WDFY4: variants seen among roughly 807,000 people sequenced by gnomAD.
The protein encoded by WDFY4 is WD repeat- and FYVE domain-containing protein 4.
WDFY4 carries 169 observed loss-of-function variants against 351.9 expected under a neutral mutation model. The ratio of observed to expected loss-of-function variants is 0.48; its 90% CI spans 0.42 to 0.55. WDFY4 has a LOEUF of 0.55. Among genes scored for constraint, WDFY4 ranks in the 20% least tolerant of loss-of-function variants. WDFY4 has a pLI of 0.00. For synonymous variants in WDFY4, 1,622 were observed against 1,574.6 expected, an observed-to-expected ratio of 1.03 and a Z score of -0.71; for missense variants, 3,803 against 3,935.6, an observed-to-expected ratio of 0.97 and a Z score of 0.90.
intron 47 of WDFY4, among the ~76,000 whole-genome samples, chr10:48,939,316 G>A (rs1427339640): frequency 6.6e-6 from 1 of 152,246 alleles, no homozygotes; most frequent in Non-Finnish European, 1.5e-5. Flanking sequence ...ACCAATGCTA[G>A]CCTTTTCCAG....
chr10:48,810,204 T>A (rs957049457), intron 28 of WDFY4, among the ~76,000 whole-genome samples: 1 of 152,226 alleles, frequency 6.6e-6, no homozygotes, highest in Non-Finnish European at 1.5e-5. Flanking sequence ...GGGTGGCTAG[T>A]CATCCACTGT....
intron 48 of WDFY4, among the ~76,000 whole-genome samples, chr10:48,942,078 C>T (rs1840798169): frequency 6.6e-6 from 1 of 152,190 alleles, no homozygotes. Flanking sequence ...GATTCTCCTG[C>T]CTCAGCCTCC....
intron 47 of WDFY4, among the ~76,000 whole-genome samples, chr10:48,903,323 G>C (rs763441979): frequency 2.6e-5 from 4 of 152,152 alleles, no homozygotes; most frequent in Non-Finnish European, 5.9e-5. Flanking sequence ...TTTAAGCAGA[G>C]GGTTGATGTG....
chr10:48,814,122 G>T, intron 31 of WDFY4, 40 bp downstream of exon 31: 1 of 1,486,990 alleles, frequency 6.7e-7, no homozygotes, highest in Non-Finnish European at 9.0e-7. Context: ...AGGAGGTTCT[G>T]ATGGGAAGGC....
chr10:48,727,303 C>T (rs1238135371), intron 6 of WDFY4, among the ~76,000 whole-genome samples, 167 bp from the exon 7 acceptor site: 2 of 152,222 alleles, frequency 1.3e-5, no homozygotes, highest in East Asian at 3.8e-4. Context: ...CAGGATGGCA[C>T]TTTCTCTGGG....
chr10:48,732,082 T>G, intron 9 of WDFY4, among the ~76,000 whole-genome samples: 1 of 152,158 alleles, frequency 6.6e-6, no homozygotes, highest in Non-Finnish European at 1.5e-5. Flanking sequence ...CAACATTCCC[T>G]TGCCCCTACT....
At chr10:48,686,637 G>A (rs1326702464) in intron 1 of WDFY4, among the ~76,000 whole-genome samples, 5 of 152,084 alleles carry the variant, frequency 3.3e-5, no homozygotes, top group Non-Finnish European at 7.3e-5. Context: ...TGCCTAATTG[G>A]TTCAAAAGTT....
rs74780643 is a variant in WDFY4, at chr10:48,855,941, G to T, written c.6664-11324G>T. On this transcript the variant is annotated intron_variant, in intron 39 of 61. Coordinates refer to ENST00000325239, the MANE Select transcript of WDFY4 (RefSeq NM_001394531.1). ...ATTAAACTTTATCATAGGTATGTAT[G>T]TATAGAAAAACAGTATATATAGGGT... Among the ~76,000 whole-genome samples, 1,270 of 152,190 alleles carry T rather than the reference G, an allele frequency of 8.3e-3. 19 individuals are homozygous for T. Among genetic ancestry groups the T allele is most frequent in the African/African-American group, 0.029 (1,212 of 41,546 alleles).
chr10:48,929,018 G>A (rs1839819121), intron 47 of WDFY4, among the ~76,000 whole-genome samples: 1 of 152,184 alleles, frequency 6.6e-6, no homozygotes, highest in Non-Finnish European at 1.5e-5. Context: ...AAGAGAAAGA[G>A]TCAGGATAGA....
intron 52 of WDFY4, among the ~76,000 whole-genome samples, chr10:48,958,239 C>T (rs2137913): frequency 0.44 from 66,961 of 152,038 alleles, 15,264 homozygotes; most frequent in Non-Finnish European, 0.51. Flanking sequence ...AGCCAGGCCC[C>T]GTGAGTCTGA....
intron 13 of WDFY4, among the ~76,000 whole-genome samples, chr10:48,769,910 G>T (rs1464041100): frequency 1.3e-5 from 2 of 152,188 alleles, no homozygotes; most frequent in African/African-American, 2.4e-5. Context: ...TGCCTTGCGG[G>T]CCCAGCCCGC....
intron 54 of WDFY4, among the ~76,000 whole-genome samples, chr10:48,965,943 C>T (rs1842062510): frequency 6.6e-6 from 1 of 152,208 alleles, no homozygotes; most frequent in African/African-American, 2.4e-5. Flanking sequence ...GGCTCATGCT[C>T]AGGGCTTGGC....
intron 39 of WDFY4, among the ~76,000 whole-genome samples, chr10:48,849,790 C>G (rs1474651358): frequency 1.3e-5 from 2 of 152,180 alleles, no homozygotes; most frequent in Admixed American, 1.3e-4. Context: ...GACTAAACAT[C>G]AGACTTTATT....
chr10:48,837,302 T>C (rs1369822409), intron 39 of WDFY4, among the ~76,000 whole-genome samples: 1 of 151,674 alleles, frequency 6.6e-6, no homozygotes, highest in African/African-American at 2.4e-5. Context: ...GCCAGAGACA[T>C]AACAGGTGGT....
intron 53 of WDFY4, 35 bp downstream of exon 53, chr10:48,959,848 G>C: frequency 6.6e-7 from 1 of 1,522,782 alleles, no homozygotes; most frequent in South Asian, 1.2e-5. Flanking sequence ...ATCCTGCTGG[G>C]GACCTGAACA....
intron 39 of WDFY4, among the ~76,000 whole-genome samples, chr10:48,839,850 T>G (rs2068535686): frequency 6.6e-6 from 1 of 152,262 alleles, no homozygotes; most frequent in Non-Finnish European, 1.5e-5. Context: ...AAGTATAAAC[T>G]GCTCTACTGG....
At chr10:48,918,031 C>G (rs1185795218) in intron 47 of WDFY4, among the ~76,000 whole-genome samples, 1 of 152,016 alleles carries the variant, frequency 6.6e-6, no homozygotes, top group South Asian at 2.1e-4. Flanking sequence ...TTTAAGCAGA[C>G]AGTAAAGTAT....
chr10:48,896,609 G>C (rs1837090341), intron 44 of WDFY4, among the ~76,000 whole-genome samples: 1 of 152,006 alleles, frequency 6.6e-6, no homozygotes, highest in Non-Finnish European at 1.5e-5. Flanking sequence ...ATGAGCTCTA[G>C]GTGCTGTCCT....
At chr10:48,829,801 A>C (rs1488532883) in intron 37 of WDFY4, among the ~76,000 whole-genome samples, 3 of 152,176 alleles carry the variant, frequency 2.0e-5, no homozygotes, top group Non-Finnish European at 4.4e-5. Flanking sequence ...GCAGTGAGCC[A>C]AGATCACACC....
Sources: gnomAD v4.1 joint callset for allele counts (sites outside exome capture counted in the v4.1 genomes callset) on GRCh38, gnomAD v4.1.1 for gene constraint, MANE v1.5 for transcripts, NCBI Gene and HGNC (gene_info 2026-07-23, HGNC 2026-07-21) for gene names.